EGFLAM: variants seen among roughly 807,000 people sequenced by gnomAD.
EGFLAM encodes EGF like, fibronectin type III and laminin G domains.
Under a neutral mutation model 113.1 loss-of-function variants are expected in EGFLAM, and 79 were observed. The observed-to-expected ratio is 0.70, with a 90% confidence interval of 0.58 to 0.84. The LOEUF (loss-of-function observed/expected upper bound fraction) is 0.84, where lower values mean the gene tolerates loss of function less well. EGFLAM is among the 40% of genes least tolerant of loss of function. EGFLAM has a pLI of 0.00. For synonymous variants in EGFLAM, 504 were observed against 487.6 expected (o/e 1.03, Z -0.44); for missense variants, 1,265 against 1,291.6 (o/e 0.98, Z 0.32).
At chr5:38,320,879 AC>A (rs1738721075) in intron 1 of EGFLAM, among the ~76,000 whole-genome samples, 1 of 152,078 alleles carries the variant, frequency 6.6e-6, no homozygotes, top group Non-Finnish European at 1.5e-5. Flanking sequence ...CTGGAGCATG[AC>A]CACATAGGAA....
intron 1 of EGFLAM, among the ~76,000 whole-genome samples, chr5:38,274,037 C>G (rs1017969746): frequency 6.6e-6 from 1 of 151,806 alleles, no homozygotes; most frequent in African/African-American, 2.4e-5. Flanking sequence ...ATTAAAAAAT[C>G]AAATATTATA....
At chr5:38,269,787 C>T (rs1363973209) in intron 1 of EGFLAM, among the ~76,000 whole-genome samples, 1 of 152,162 alleles carries the variant, frequency 6.6e-6, no homozygotes, top group African/African-American at 2.4e-5. Context: ...CTGCGCCTGG[C>T]CTGAAACACT....
chr5:38,350,353 A>T (rs1003526332), intron 3 of EGFLAM, 148 bp from the exon 4 acceptor site: 4 of 727,816 alleles, frequency 5.5e-6, no homozygotes, highest in Admixed American at 2.8e-5. Flanking sequence ...GGCAAAGTTT[A>T]AAACTGGGCC....
chr5:38,318,202 GATTAATTTTAGACTT>G (rs1001410442), intron 1 of EGFLAM, among the ~76,000 whole-genome samples: 10 of 151,656 alleles, frequency 6.6e-5, no homozygotes, highest in Non-Finnish European at 1.3e-4. Flanking sequence ...TTTTATTTTG[GATTAATTTTAGACTT>G]ATTAATTTTA....
At chr5:38,302,522 T>A (rs1009661121) in intron 1 of EGFLAM, among the ~76,000 whole-genome samples, 11 of 152,116 alleles carry the variant, frequency 7.2e-5, no homozygotes, top group African/African-American at 2.7e-4. Context: ...AATATAAATT[T>A]TGACATGAAA....
chr5:38,272,693 A>G (rs1007636240), intron 1 of EGFLAM, among the ~76,000 whole-genome samples: 2 of 152,166 alleles, frequency 1.3e-5, no homozygotes, highest in Non-Finnish European at 2.9e-5. Flanking sequence ...TACTCCTGGT[A>G]AGTCCTATTG....
At chr5:38,331,745 C>T (rs970614978) in intron 1 of EGFLAM, among the ~76,000 whole-genome samples, 1 of 152,110 alleles carries the variant, frequency 6.6e-6, no homozygotes, top group Non-Finnish European at 1.5e-5. Flanking sequence ...GCTTCCTTTT[C>T]GTGGCTTGAT....
At chr5:38,268,967 A>G (rs962355147) in intron 1 of EGFLAM, among the ~76,000 whole-genome samples, 2 of 152,172 alleles carry the variant, frequency 1.3e-5, no homozygotes, top group Non-Finnish European at 2.9e-5. Context: ...GCTTCAGCCC[A>G]GGAGTTTGAG....
chr5:38,272,527 TC>T (rs1757789302), intron 1 of EGFLAM, among the ~76,000 whole-genome samples: 1 of 152,212 alleles, frequency 6.6e-6, no homozygotes, highest in Non-Finnish European at 1.5e-5. Context: ...CTCCAATTCT[TC>T]AACATTCTTC....
At chr5:38,313,739 C>T (rs955806324) in intron 1 of EGFLAM, among the ~76,000 whole-genome samples, 5 of 152,144 alleles carry the variant, frequency 3.3e-5, no homozygotes, top group Non-Finnish European at 5.9e-5. Flanking sequence ...TTTAATTACT[C>T]ATGTAATATT....
At chr5:38,282,092 T>C (rs1758034510) in intron 1 of EGFLAM, among the ~76,000 whole-genome samples, 1 of 152,244 alleles carries the variant, frequency 6.6e-6, no homozygotes, top group Non-Finnish European at 1.5e-5. Context: ...CTGATATTTA[T>C]GGTCTCAATA....
intron 17 of EGFLAM, chr5:38,445,848 G>A: frequency 1.1e-6 from 1 of 891,432 alleles, no homozygotes; most frequent in South Asian, 1.4e-5. Flanking sequence ...CCAGCCAGAG[G>A]ACACTTCTCT....
intron 1 of EGFLAM, among the ~76,000 whole-genome samples, chr5:38,274,834 A>G (rs1218998476): frequency 1.3e-5 from 2 of 152,218 alleles, no homozygotes; most frequent in Non-Finnish European, 2.9e-5. Context: ...TGGTGTATAA[A>G]TCACTTACAT....
chr5:38,288,639 T>C (rs988149436), intron 1 of EGFLAM, among the ~76,000 whole-genome samples: 2 of 152,178 alleles, frequency 1.3e-5, no homozygotes, highest in East Asian at 3.8e-4. Flanking sequence ...TGGAGAGAAG[T>C]GGTATTGTTC....
chr5:38,406,274 T>A, intron 7 of EGFLAM, 33 bp downstream of exon 7: 3 of 1,589,154 alleles, frequency 1.9e-6, no homozygotes, highest in Non-Finnish European at 2.6e-6. Context: ...AAACCCAGGG[T>A]GTTTGTGTTT....
chr5:38,269,694 T>A (rs960437779), intron 1 of EGFLAM, among the ~76,000 whole-genome samples: 2 of 152,136 alleles, frequency 1.3e-5, no homozygotes, highest in African/African-American at 4.8e-5. Flanking sequence ...TTTCACTGTG[T>A]TAGCCAGGAT....
chr5:38,313,910 T>C (rs763748569), intron 1 of EGFLAM, among the ~76,000 whole-genome samples: 54 of 152,252 alleles, frequency 3.5e-4, no homozygotes, highest in Non-Finnish European at 5.9e-4. Flanking sequence ...ACGATATTAA[T>C]CTTTGTCTGT....
Position 38,258,799 on chromosome 5 carries a change from T to C in EGFLAM, c.45T>C (p.Ala15=). The C allele has an allele frequency of 6.2e-7, 1 of 1,612,624 alleles. No homozygotes were observed. Among genetic ancestry groups the C allele is most frequent in the Non-Finnish European group, 8.5e-7 (1 of 1,179,650 alleles). Residue 15 remains alanine (A), a synonymous_variant, in exon 1 of 22, where the codon GCT becomes GCC. Transcript: ENST00000322350. ...RGVLLRLLLL[A]SSLGPGAVSL... ...TCTTGCTCCGGCTCCTGCTCCTGGC[T>C]TCCAGCCTCGGACCCGGCGCGGTGT...
chr5:38,306,007 C>T (rs1433579339), intron 1 of EGFLAM, among the ~76,000 whole-genome samples: 1 of 152,140 alleles, frequency 6.6e-6, no homozygotes, highest in Non-Finnish European at 1.5e-5. Context: ...TTATGTGAGC[C>T]AAGAGGTAGC....
Sources: gnomAD v4.1 joint callset for allele counts (sites outside exome capture counted in the v4.1 genomes callset) on GRCh38, gnomAD v4.1.1 for gene constraint, MANE v1.5 for transcripts, NCBI Gene and HGNC (gene_info 2026-07-23, HGNC 2026-07-21) for gene names.